The following PLEKHM3 variants were observed in gnomAD, a reference collection of about 807,000 sequenced individuals.
PLEKHM3 encodes the protein pleckstrin homology domain containing M3, also known as pleckstrin homology domain-containing family M member 3.
PLEKHM3 carries 45 observed loss-of-function variants against 81.8 expected under a neutral mutation model. The ratio of observed to expected loss-of-function variants is 0.55; its 90% CI spans 0.43 to 0.71. The LOEUF (loss-of-function observed/expected upper bound fraction) is 0.71, where lower values mean the gene tolerates loss of function less well. PLEKHM3 is among the 30% of genes least tolerant of loss of function. The probability of loss-of-function intolerance (pLI) is 0.00; values close to 1 mark genes in which losing one functional copy is unlikely to be tolerated. For missense variants in PLEKHM3, 788 were observed against 924.3 expected (o/e 0.85, Z 1.91); for synonymous variants, 352 against 356.4 (o/e 0.99, Z 0.14).
chr2:207,876,505 T>C (rs2092560776), intron 6 of PLEKHM3, among the ~76,000 whole-genome samples: 3 of 152,210 alleles, frequency 2.0e-5, no homozygotes, highest in African/African-American at 7.2e-5. Context: ...TCAGGCTTGT[T>C]TGCTTCCCAT....
chr2:207,987,559 G>T (rs1691769644), intron 2 of PLEKHM3, among the ~76,000 whole-genome samples: 1 of 152,140 alleles, frequency 6.6e-6, no homozygotes, highest in Non-Finnish European at 1.5e-5. Flanking sequence ...AAGAACACTG[G>T]GGTGTTGCTG....
chr2:207,971,878 T>C (rs1303411696), intron 3 of PLEKHM3, among the ~76,000 whole-genome samples: 1 of 152,232 alleles, frequency 6.6e-6, no homozygotes, highest in Non-Finnish European at 1.5e-5. Context: ...CTTCTGTGAC[T>C]TCAGGGTCAA....
intron 1 of PLEKHM3, among the ~76,000 whole-genome samples, chr2:208,009,394 TA>T (rs1474789008): frequency 6.6e-5 from 10 of 152,182 alleles, no homozygotes; most frequent in African/African-American, 2.4e-4. Flanking sequence ...GTTCTTTCTT[TA>T]AACTGCCACT....
At chr2:208,018,758 T>C (rs1045232725) in intron 1 of PLEKHM3, among the ~76,000 whole-genome samples, 3 of 152,204 alleles carry the variant, frequency 2.0e-5, no homozygotes, top group African/African-American at 7.2e-5. Context: ...CCTATTGCCA[T>C]TTGGATAAAC....
chr2:207,982,211 TCCTC>T (rs147838331), intron 2 of PLEKHM3, among the ~76,000 whole-genome samples: 5,307 of 143,466 alleles, frequency 0.037, 401 homozygotes, highest in African/African-American at 0.14. Flanking sequence ...CTTCCTTCGT[TCCTC>T]CCTCCCTCCC....
rs1486413975 is a variant in PLEKHM3, at chr2:207,923,850, C to T, written c.1886+7076G>A. 1.6e-4 allele frequency among the ~76,000 whole-genome samples: 9 copies of T among 55,096 alleles called. No homozygotes were observed. The South Asian group carries it at 4.9e-3, about 30-fold the overall frequency. The allele number at this position is 55,096 out of a possible 152,430, so 36.1% of individuals were successfully genotyped here. A position where few individuals can be genotyped will look rare whatever the true frequency, so the allele number is the denominator to read the frequency against. ...ATACATACATATACATACATACACA[C>T]GCACGCACACACACACACACACACA... On this transcript the variant is annotated intron_variant, in intron 5 of 7. Transcript: ENST00000427836.
intron 6 of PLEKHM3, among the ~76,000 whole-genome samples, chr2:207,879,830 T>G (rs17537246): frequency 0.042 from 6,432 of 152,272 alleles, 186 homozygotes; most frequent in Non-Finnish European, 0.065. Context: ...ATTTTATTAT[T>G]GGAATAGCTG....
intron 5 of PLEKHM3, among the ~76,000 whole-genome samples, chr2:207,921,974 A>G (rs772298364): frequency 9.2e-5 from 14 of 152,152 alleles, no homozygotes; most frequent in Non-Finnish European, 1.6e-4. Context: ...TGACATAATG[A>G]TTTCCTTTCT....
At chr2:207,860,470 C>T (rs915006429) in intron 7 of PLEKHM3, among the ~76,000 whole-genome samples, 1 of 151,946 alleles carries the variant, frequency 6.6e-6, no homozygotes, top group Non-Finnish European at 1.5e-5. Context: ...ACACACATAC[C>T]GTGTAGATTT....
rs1206185047 is a variant in PLEKHM3, at chr2:207,826,970, C to T, written c.*1349G>A. 2.0e-5 allele frequency: 3 copies of T among 152,138 alleles called. No individual in the cohort carries two copies. Among genetic ancestry groups the T allele is most frequent in the Middle Eastern group, 3.2e-3 (1 of 316 alleles). The allele number at this position is 152,138 out of a possible 1,614,324, so 9.4% of individuals were successfully genotyped here. A position where few individuals can be genotyped will look rare whatever the true frequency, so the allele number is the denominator to read the frequency against. ...TCACAGTGACTGCCACGTGCTCTTC[C>T]AAGGGCACTGCAGCTGGAGAACACT... On this transcript the variant is annotated 3_prime_UTR_variant, in exon 8 of 8. Coordinates refer to ENST00000427836, the MANE Select transcript of PLEKHM3 (RefSeq NM_001080475.3).
At chr2:207,906,171 A>G (rs1688596913) in intron 6 of PLEKHM3, among the ~76,000 whole-genome samples, 1 of 152,228 alleles carries the variant, frequency 6.6e-6, no homozygotes, top group South Asian at 2.1e-4. Context: ...AGTGCCTTTA[A>G]ACATACTTCT....
chr2:207,858,015 A>G (rs1004382969), intron 7 of PLEKHM3, among the ~76,000 whole-genome samples: 1 of 151,160 alleles, frequency 6.6e-6, no homozygotes, highest in African/African-American at 2.4e-5. Context: ...TATATATTTT[A>G]TATTTCATTT....
rs112167495 is a variant in PLEKHM3, at chr2:207,843,781, G to A, written c.2109-15285C>T. Among the ~76,000 whole-genome samples, 1,244 of 152,010 alleles carry A rather than the reference G, an allele frequency of 8.2e-3. 13 individuals carry two copies. The highest frequency in any genetic ancestry group is 0.027 in the African/African-American group (1,136 of 41,462). On this transcript the variant is annotated intron_variant, in intron 7 of 7. Transcript: ENST00000427836. This position sits in a 1 kb window ranked among gnomAD's most constrained non-coding sequence, Gnocchi z 4.4. ...ATTTCCTTTCCACCATCACAGATTC[G>A]CTTTCTGGAAAAAAACGTGGAATTT...
At chr2:208,016,668 A>AAAAACACACACACACACAC (rs1553568085) in intron 1 of PLEKHM3, among the ~76,000 whole-genome samples, 2 of 61,554 alleles carry the variant, frequency 3.2e-5, no homozygotes, top group African/African-American at 8.9e-5. Context: ...AAAAAAAAAA[A>AAAAACACACACACACACAC]ATACACACAC....
At chr2:207,943,869 A>G (rs1690031022) in intron 4 of PLEKHM3, among the ~76,000 whole-genome samples, 4 of 35,446 alleles carry the variant, frequency 1.1e-4, no homozygotes, top group African/African-American at 1.9e-4. Context: ...CTCCGTCTCA[A>G]AAAAAAAAAA....
chr2:208,013,128 TG>T (rs1296486218), intron 1 of PLEKHM3, among the ~76,000 whole-genome samples: 6 of 152,182 alleles, frequency 3.9e-5, no homozygotes, highest in African/African-American at 1.4e-4. Flanking sequence ...CACAATTAAA[TG>T]ACAATGATAG....
At chr2:207,880,820 A>C (rs908178644) in intron 6 of PLEKHM3, among the ~76,000 whole-genome samples, 1 of 145,836 alleles carries the variant, frequency 6.9e-6, no homozygotes, top group South Asian at 2.1e-4. Context: ...AAAAAACAAA[A>C]AAACAAATAA....
rs559884003 is a variant in PLEKHM3 at position 207,983,321 on chromosome 2, G to A, written c.611-5735C>T. ...CCGCCTCGGCCTCCCAAAGTGCTGGGATTACAGGCGTGAGCCACCACGCCT... is the reference window on the plus strand; with the variant it reads ...CCGCCTCGGCCTCCCAAAGTGCTGGAATTACAGGCGTGAGCCACCACGCCT... On this transcript the variant is annotated intron_variant, in intron 2 of 7. Coordinates refer to ENST00000427836, the MANE Select transcript of PLEKHM3 (RefSeq NM_001080475.3). Among the ~76,000 whole-genome samples the A allele has an allele frequency of 2.6e-5, 4 of 152,258 alleles. No individual in the cohort carries two copies. In the South Asian group the frequency reaches 6.2e-4, roughly 24 times the overall value.
Position 207,930,952 on chromosome 2 carries a change from T to A in PLEKHM3, c.1860A>T (p.Ala620=), listed in dbSNP as rs780900614. The A allele has an allele frequency of 6.2e-7, 1 of 1,613,396 alleles. No individual in the cohort carries two copies. The highest frequency in any genetic ancestry group is 1.3e-5 in the African/African-American group (1 of 75,060). ...SLRAYLFSCR[A]AVAEDLRRRI... Reference sequence around the variant, plus strand: ...TGCGGCGGAGATCCTCTGCCACCGCTGCCCGGCAGCTGAACAAATAGGCTC... The same window carrying A: ...TGCGGCGGAGATCCTCTGCCACCGCAGCCCGGCAGCTGAACAAATAGGCTC... The change falls in exon 5 of 8, where the codon GCA becomes GCT. Residue 620 remains alanine (A), a synonymous_variant. Coordinates refer to ENST00000427836, the MANE Select transcript of PLEKHM3 (RefSeq NM_001080475.3).
Sources: gnomAD v4.1 joint callset for allele counts (sites outside exome capture counted in the v4.1 genomes callset) on GRCh38, gnomAD v4.1.1 for gene constraint, Gnocchi (gnomAD v3.1) non-coding constraint, MANE v1.5 for transcripts, NCBI Gene and HGNC (gene_info 2026-07-23, HGNC 2026-07-21) for gene names.